Variants in DACH1 observed in about 807,000 individuals in gnomAD.
The protein encoded by DACH1 is dachshund family transcription factor 1.
Under a neutral mutation model 54.2 loss-of-function variants are expected in DACH1, and 12 were observed. The ratio of observed to expected loss-of-function variants is 0.22; its 90% CI spans 0.14 to 0.36. DACH1 has a LOEUF of 0.36. DACH1 is among the 10% of genes least tolerant of loss of function. The pLI is 1.00. For missense variants in DACH1, 805 were observed against 929.8 expected (o/e 0.87, Z 1.75); for synonymous variants, 386 against 366.2 (o/e 1.05, Z -0.62).
At chr13:71,667,386 T>C (rs1038937153) in intron 2 of DACH1, among the ~76,000 whole-genome samples, 1 of 152,182 alleles carries the variant, frequency 6.6e-6, no homozygotes, top group Non-Finnish European at 1.5e-5. Context: ...AAAATGAAGA[T>C]TGCTGTTCAG....
chr13:71,547,735 A>C (rs985019615), intron 6 of DACH1, among the ~76,000 whole-genome samples: 2 of 152,150 alleles, frequency 1.3e-5, no homozygotes, highest in African/African-American at 2.4e-5. Context: ...ATTTAAACAT[A>C]ATAACCACTA....
chr13:71,594,880 A>C (rs2138472767), intron 3 of DACH1, among the ~76,000 whole-genome samples: 1 of 152,310 alleles, frequency 6.6e-6, no homozygotes, highest in South Asian at 2.1e-4. Context: ...AGCAATGAGC[A>C]AAGTGGACAA....
chr13:71,564,865 C>A (rs1566345373), intron 4 of DACH1, among the ~76,000 whole-genome samples: 1 of 151,996 alleles, frequency 6.6e-6, no homozygotes, highest in African/African-American at 2.4e-5. Context: ...AATAGAGATT[C>A]TCTAACTGAA....
intron 6 of DACH1, among the ~76,000 whole-genome samples, chr13:71,535,594 T>C (rs772150852): frequency 1.3e-5 from 2 of 151,478 alleles, no homozygotes; most frequent in African/African-American, 4.8e-5. Flanking sequence ...TCAGGCGCAT[T>C]TTTTTCCCCC....
intron 2 of DACH1, among the ~76,000 whole-genome samples, chr13:71,678,792 G>A (rs1245291620): frequency 1.3e-5 from 2 of 152,022 alleles, no homozygotes; most frequent in African/African-American, 4.8e-5. Context: ...CCAGTAGCTG[G>A]GACTACAGGC....
rs376801319 is a variant in DACH1, at chr13:71,772,379, A to C, written c.849-90469T>G. On this transcript the variant is annotated intron_variant, in intron 1 of 10. Coordinates refer to ENST00000613252, the MANE Select transcript of DACH1 (RefSeq NM_080759.6). ...GTAGATCAATGTGCTTCCTTAAAAG[A>C]CTTTAATAAATTAAAGTGCAGAGAG... Among the ~76,000 whole-genome samples the C allele has an allele frequency of 9.9e-5, 15 of 151,872 alleles. No individual in the cohort carries two copies. The East Asian group carries it at 2.9e-3, about 29-fold the overall frequency.
chr13:71,735,283 TG>T (rs1566467424), intron 1 of DACH1, among the ~76,000 whole-genome samples: 1 of 68,664 alleles, frequency 1.5e-5, no homozygotes, highest in Non-Finnish European at 4.3e-5. Flanking sequence ...CGTATGTATA[TG>T]GGATATACAC....
chr13:71,599,828 T>TACAC (rs113936121), intron 3 of DACH1, among the ~76,000 whole-genome samples: 8,193 of 146,594 alleles, frequency 0.056, 309 homozygotes, highest in African/African-American at 0.11. Context: ...AACACATTTC[T>TACAC]ACACACACAC....
chr13:71,466,184 TG>T (rs1876548026), intron 10 of DACH1, among the ~76,000 whole-genome samples: 1 of 152,158 alleles, frequency 6.6e-6, no homozygotes, highest in African/African-American at 2.4e-5. Flanking sequence ...CTAATTATGA[TG>T]TTAAATCAAA....
At position 71,559,949 on chromosome 13, in the gene DACH1, C is replaced by A. The variant is rs773857283; in HGVS notation, c.1306G>T (p.Val436Phe). 2.3e-5 allele frequency: 35 copies of A among 1,545,986 alleles called. No individual in the cohort carries two copies. Among genetic ancestry groups the A allele is most frequent in the Non-Finnish European group, 3.0e-5 (34 of 1,148,980 alleles). The change falls in exon 5 of 11, where the codon GTT becomes TTT. Residue 436 changes from valine to phenylalanine, a missense_variant. Coordinates refer to ENST00000613252, the MANE Select transcript of DACH1 (RefSeq NM_080759.6). ...GGGGCAGGTGAGGGGCTATCAGGAA[C>A]ACGCTCCTGCACCAGCAAGAGAGGG... is the stretch of plus-strand genomic sequence containing the variant. ...RVETSVIKER[V>F]PDSPSPAPSL...
intron 2 of DACH1, among the ~76,000 whole-genome samples, chr13:71,665,383 C>T (rs1002702721): frequency 4.0e-5 from 6 of 151,890 alleles, no homozygotes; most frequent in Admixed American, 2.0e-4. Flanking sequence ...CCCCCATATA[C>T]CCTACCTCCA....
At chr13:71,826,688 A>C (rs890742997) in intron 1 of DACH1, among the ~76,000 whole-genome samples, 4 of 152,170 alleles carry the variant, frequency 2.6e-5, no homozygotes, top group Non-Finnish European at 4.4e-5. Flanking sequence ...GCATACCTAC[A>C]CATATAAAAG....
At chr13:71,474,032 T>A (rs1249535380) in intron 10 of DACH1, among the ~76,000 whole-genome samples, 5 of 152,198 alleles carry the variant, frequency 3.3e-5, no homozygotes. Flanking sequence ...AAAATTCAGA[T>A]CTTTTTCTAT....
chr13:71,680,533 G>A (rs185914521), intron 2 of DACH1, among the ~76,000 whole-genome samples: 115 of 152,320 alleles, frequency 7.5e-4, no homozygotes, highest in Non-Finnish European at 1.4e-3. Context: ...GAGCTCAGGA[G>A]GTCCAGGCTG....
At chr13:71,507,813 C>G (rs569048868) in intron 6 of DACH1, among the ~76,000 whole-genome samples, 2 of 152,226 alleles carry the variant, frequency 1.3e-5, no homozygotes, top group African/African-American at 4.8e-5. Context: ...TTATCTCAAC[C>G]TATTATCAAA....
intron 2 of DACH1, among the ~76,000 whole-genome samples, chr13:71,635,594 A>G (rs1023150439): frequency 1.3e-5 from 2 of 152,150 alleles, no homozygotes; most frequent in African/African-American, 4.8e-5. Flanking sequence ...CTATTTAATC[A>G]AGAATTGTCC....
chr13:71,491,393 C>T (rs1391833174), intron 6 of DACH1, among the ~76,000 whole-genome samples: 4 of 152,162 alleles, frequency 2.6e-5, no homozygotes, highest in African/African-American at 7.2e-5. Flanking sequence ...TACATGTGTG[C>T]GTGCATGCCT....
intron 4 of DACH1, among the ~76,000 whole-genome samples, chr13:71,565,915 G>A (rs921000458): frequency 6.6e-6 from 1 of 152,102 alleles, no homozygotes; most frequent in Non-Finnish European, 1.5e-5. Flanking sequence ...GCTTTAAGCA[G>A]CAAAATAAAA....
At chr13:71,445,038 A>G (rs1432307684) in intron 10 of DACH1, among the ~76,000 whole-genome samples, 1 of 152,144 alleles carries the variant, frequency 6.6e-6, no homozygotes, top group East Asian at 1.9e-4. Flanking sequence ...TATAGCGCTT[A>G]TCTCACTTTG....
Sources: allele counts gnomAD v4.1 joint callset (sites outside exome capture counted in the v4.1 genomes callset), GRCh38; gene constraint gnomAD v4.1.1; transcripts MANE v1.5; gene names NCBI Gene and HGNC (gene_info 2026-07-23, HGNC 2026-07-21).